Variants in CDK6 observed in about 807,000 individuals in gnomAD.
The protein encoded by CDK6 is cyclin dependent kinase 6, also known as cyclin-dependent kinase 6.
In CDK6, 6 loss-of-function variants were observed where a neutral mutation model predicts 37.1. The ratio of observed to expected loss-of-function variants is 0.16; its 90% CI spans 0.09 to 0.32. The LOEUF is 0.32. Among genes scored for constraint, CDK6 ranks in the 10% least tolerant of loss-of-function variants. The probability of loss-of-function intolerance (pLI) is 1.00; values close to 1 mark genes in which losing one functional copy is unlikely to be tolerated. For missense variants in CDK6, 224 were observed against 418.9 expected, an observed-to-expected ratio of 0.53 and a Z score of 4.06; for synonymous variants, 160 against 161.3, an observed-to-expected ratio of 0.99 and a Z score of 0.06.
At chr7:92,805,118 T>C (rs1388843844) in intron 2 of CDK6, among the ~76,000 whole-genome samples, 2 of 152,138 alleles carry the variant, frequency 1.3e-5, no homozygotes, top group South Asian at 2.1e-4. Flanking sequence ...TGAAGGAAAA[T>C]TGGCCACATA....
At chr7:92,807,372 G>A (rs891432033) in intron 2 of CDK6, among the ~76,000 whole-genome samples, 12 of 151,358 alleles carry the variant, frequency 7.9e-5, no homozygotes, top group Admixed American at 2.0e-4. Context: ...TCTATATCTA[G>A]ATATCTAGAT....
At chr7:92,722,289 A>C (rs960126351) in intron 4 of CDK6, among the ~76,000 whole-genome samples, 1 of 152,210 alleles carries the variant, frequency 6.6e-6, no homozygotes, top group African/African-American at 2.4e-5. Flanking sequence ...TTTAATAACA[A>C]AACACAAGGG....
chr7:92,611,677 A>C lies in CDK6; in HGVS notation c.*3463T>G. 4.4e-6 allele frequency: 1 copy of C among 229,422 alleles called. No homozygotes were observed. Among genetic ancestry groups the C allele is most frequent in the Non-Finnish European group, 8.6e-6 (1 of 115,662 alleles). The allele number at this position is 229,422 out of a possible 1,614,324, so 14.2% of individuals were successfully genotyped here. A position where few individuals can be genotyped will look rare whatever the true frequency, so the allele number is the denominator to read the frequency against. On this transcript the variant is annotated 3_prime_UTR_variant, in exon 8 of 8. Transcript: ENST00000424848. The stretch of plus-strand genomic sequence containing the variant: ...GTTTTCTCATCAAGATGGATAGTAC[A>C]TTCTGGAGAGTCAAACTATACATTT...
chr7:92,820,462 C>G (rs781744190), intron 2 of CDK6, among the ~76,000 whole-genome samples: 2 of 152,020 alleles, frequency 1.3e-5, no homozygotes, highest in African/African-American at 4.8e-5. Context: ...TGTTGCAGTA[C>G]GGAACAGAAT....
At chr7:92,738,543 G>T (rs1387000334) in intron 3 of CDK6, among the ~76,000 whole-genome samples, 1 of 151,844 alleles carries the variant, frequency 6.6e-6, no homozygotes, top group African/African-American at 2.4e-5. Flanking sequence ...GGAGGCTGAG[G>T]CAGGAGACTC....
intron 5 of CDK6, among the ~76,000 whole-genome samples, chr7:92,654,841 G>T (rs965489535): frequency 6.6e-6 from 1 of 151,906 alleles, no homozygotes; most frequent in African/African-American, 2.4e-5. Flanking sequence ...GTCACCAAAT[G>T]GATATATATA....
intron 4 of CDK6, among the ~76,000 whole-genome samples, chr7:92,697,984 T>C (rs1260109369): frequency 2.0e-5 from 3 of 152,210 alleles, no homozygotes; most frequent in African/African-American, 7.2e-5. Context: ...ATTCTCATCA[T>C]TCCCAGTCTG....
At chr7:92,630,784 A>C (rs146130684) in intron 5 of CDK6, among the ~76,000 whole-genome samples, 91 of 152,266 alleles carry the variant, frequency 6.0e-4, no homozygotes, top group African/African-American at 2.1e-3. Flanking sequence ...CTATAGTTTA[A>C]ATTGGGCTTA....
At chr7:92,781,361 C>CA (rs1244753560) in intron 2 of CDK6, among the ~76,000 whole-genome samples, 2 of 152,228 alleles carry the variant, frequency 1.3e-5, no homozygotes, top group African/African-American at 2.4e-5. Flanking sequence ...TATCTAATAA[C>CA]AAAATATCTC....
chr7:92,657,628 C>T (rs1480189970), intron 5 of CDK6, among the ~76,000 whole-genome samples: 3 of 152,092 alleles, frequency 2.0e-5, no homozygotes, highest in Non-Finnish European at 4.4e-5. Context: ...AAAAAGGAAA[C>T]CCACAGTGAA....
intron 2 of CDK6, among the ~76,000 whole-genome samples, chr7:92,832,765 T>C (rs564402736): frequency 6.6e-6 from 1 of 152,274 alleles, no homozygotes; most frequent in South Asian, 2.1e-4. Flanking sequence ...GGTTGGCTTA[T>C]CCTGTCCCTA....
chr7:92,779,643 T>C (rs758924260), intron 2 of CDK6, among the ~76,000 whole-genome samples: 6 of 152,186 alleles, frequency 3.9e-5, no homozygotes, highest in Non-Finnish European at 8.8e-5. Context: ...CTTTTTTGGC[T>C]CCAGTGCTGG....
At chr7:92,777,299 C>T (rs1174255597) in intron 2 of CDK6, among the ~76,000 whole-genome samples, 1 of 152,096 alleles carries the variant, frequency 6.6e-6, no homozygotes, top group East Asian at 1.9e-4. Flanking sequence ...AATGGCACAT[C>T]TTGGCTCACC....
At position 92,674,086 on chromosome 7, in the gene CDK6, T is replaced by TC. The variant is rs1797151691; in HGVS notation, c.538-2552dup. On this transcript the variant is annotated intron_variant, in intron 4 of 7. Coordinates refer to ENST00000424848, the MANE Select transcript of CDK6 (RefSeq NM_001145306.2). ...TGAGCCACTGCGCCTCCCCCTTTCT[T>TC]CTTTTTTTTTTTTTTTGAGTTCTTC... is the stretch of plus-strand genomic sequence containing the variant. 4.7e-5 allele frequency among the ~76,000 whole-genome samples: 7 copies of TC among 148,566 alleles called. No homozygotes were observed. The South Asian group carries it at 1.5e-3, about 31-fold the overall frequency.
chr7:92,776,129 C>A (rs964363277), intron 2 of CDK6, among the ~76,000 whole-genome samples: 1 of 146,038 alleles, frequency 6.8e-6, no homozygotes, highest in Non-Finnish European at 1.5e-5. Context: ...TCTCATTGTT[C>A]AACTCCCGCT....
At chr7:92,808,604 T>A (rs1800787923) in intron 2 of CDK6, among the ~76,000 whole-genome samples, 1 of 152,234 alleles carries the variant, frequency 6.6e-6, no homozygotes, top group Non-Finnish European at 1.5e-5. Context: ...TTTATTTAAA[T>A]CATCAATGGA....
In CDK6 at chr7:92,836,488, C is replaced by T. The variant is rs1308135659; in HGVS notation, c.-378G>A. Reference sequence around the variant, plus strand: ...CGCACAGCTCCTCACCTGAGGGGCCCAGTCGCGTCGGGCCTCCCGAGGGGG... The same window carrying T: ...CGCACAGCTCCTCACCTGAGGGGCCTAGTCGCGTCGGGCCTCCCGAGGGGG... On this transcript the variant is annotated 5_prime_UTR_variant, in exon 1 of 8. Coordinates refer to ENST00000424848, the MANE Select transcript of CDK6 (RefSeq NM_001145306.2). 7 of 151,940 alleles carry T rather than the reference C, an allele frequency of 4.6e-5. No individual in the cohort carries two copies. Among genetic ancestry groups the T allele is most frequent in the Admixed American group, 4.6e-4 (7 of 15,272 alleles). The allele number at this position is 151,940 out of a possible 1,614,324, so 9.4% of individuals were successfully genotyped here. A position where few individuals can be genotyped will look rare whatever the true frequency, so the allele number is the denominator to read the frequency against.
rs1205990267 is a variant in CDK6 at position 92,835,625 on chromosome 7, C to G, written c.-368+853G>C. ...CCTCCTTCTGCTTTCTGTCTCTGCT[C>G]TCTGTCTTCACACTCAATGAAATCC... On this transcript the variant is annotated intron_variant, in intron 1 of 7. Transcript: ENST00000424848. This position sits in a 1 kb window ranked among gnomAD's most constrained non-coding sequence, Gnocchi z 4.2. Among the ~76,000 whole-genome samples, 1 of 152,200 alleles carries G rather than the reference C, an allele frequency of 6.6e-6. No individual in the cohort carries two copies. Among genetic ancestry groups the G allele is most frequent in the Non-Finnish European group, 1.5e-5 (1 of 68,026 alleles).
At chr7:92,792,039 C>CT (rs1800296982) in intron 2 of CDK6, among the ~76,000 whole-genome samples, 2 of 152,118 alleles carry the variant, frequency 1.3e-5, no homozygotes, top group Non-Finnish European at 2.9e-5. Flanking sequence ...CTTGGAAATA[C>CT]TACTCTGGTT....
Sources: gnomAD v4.1 joint callset for allele counts (sites outside exome capture counted in the v4.1 genomes callset) on GRCh38, gnomAD v4.1.1 for gene constraint, Gnocchi (gnomAD v3.1) non-coding constraint, MANE v1.5 for transcripts, NCBI Gene and HGNC (gene_info 2026-07-23, HGNC 2026-07-21) for gene names.